RTN4: variants seen among roughly 807,000 people sequenced by gnomAD.
RTN4 encodes reticulon 4.
A neutral mutation model predicts 90.4 loss-of-function variants in RTN4; 32 were observed. That is an observed-to-expected ratio of 0.35 (90% confidence interval 0.27 to 0.48). RTN4 has a LOEUF of 0.48. RTN4 is among the 20% of genes least tolerant of loss of function. The pLI is 0.99. For missense variants in RTN4, 1,706 were observed against 1,430.2 expected, an observed-to-expected ratio of 1.19 and a Z score of -3.11; for synonymous variants, 629 against 552.5, an observed-to-expected ratio of 1.14 and a Z score of -1.94.
At chr2:55,091,914 C>G (rs1668944413) in intron 1 of RTN4, among the ~76,000 whole-genome samples, 1 of 152,190 alleles carries the variant, frequency 6.6e-6, no homozygotes, top group Non-Finnish European at 1.5e-5. Context: ...TACTCACTAT[C>G]ACGAGAACAG....
At chr2:55,020,881 T>C (rs1681376616) in intron 3 of RTN4, among the ~76,000 whole-genome samples, 1 of 152,048 alleles carries the variant, frequency 6.6e-6, no homozygotes. Flanking sequence ...CACGAGCCTT[T>C]GGTCCCAGCT....
At chr2:55,064,141 G>C (rs948964560) in intron 2 of RTN4, among the ~76,000 whole-genome samples, 1 of 148,944 alleles carries the variant, frequency 6.7e-6, no homozygotes, top group Middle Eastern at 3.5e-3. Flanking sequence ...AGGATTCCTT[G>C]AACTCAGGAG....
upstream of RTN4, among the ~76,000 whole-genome samples, chr2:55,054,424 C>T (rs1668154625): frequency 6.6e-6 from 1 of 152,228 alleles, no homozygotes; most frequent in Admixed American, 6.5e-5. Flanking sequence ...CACAAACGTG[C>T]TTGCATGTTT....
At chr2:55,061,113 T>A (rs1253870299) in intron 2 of RTN4, among the ~76,000 whole-genome samples, 1 of 148,336 alleles carries the variant, frequency 6.7e-6, no homozygotes, top group African/African-American at 2.5e-5. Context: ...TCACCCAGGC[T>A]GGAGTGCAGT....
At chr2:55,038,365 C>T (rs1682830217) in intron 1 of RTN4, among the ~76,000 whole-genome samples, 1 of 151,822 alleles carries the variant, frequency 6.6e-6, no homozygotes, top group Admixed American at 6.6e-5. Flanking sequence ...ATATTCACAA[C>T]ACATGTATCA....
intron 1 of RTN4, among the ~76,000 whole-genome samples, chr2:55,102,974 C>T (rs1277956181): frequency 1.3e-5 from 2 of 151,720 alleles, no homozygotes; most frequent in South Asian, 2.1e-4. Flanking sequence ...CAAAATAAGC[C>T]GGGCATGGTG....
chr2:55,061,083 T>TTTTTTTA (rs1668282739), intron 2 of RTN4, among the ~76,000 whole-genome samples: 2 of 151,456 alleles, frequency 1.3e-5, no homozygotes, highest in African/African-American at 4.9e-5. Context: ...TTTTTTTTTT[T>TTTTTTTA]GAGATAGAGT....
intron 8 of RTN4, 75 bp downstream of exon 8, chr2:54,973,488 G>A (rs1298173243): frequency 1.7e-5 from 19 of 1,147,038 alleles, no homozygotes; most frequent in Non-Finnish European, 2.5e-5. Flanking sequence ...CATTATGCCT[G>A]CAATATGAAA....
chr2:55,044,895 A>G (rs1038558961), intron 1 of RTN4, among the ~76,000 whole-genome samples: 3 of 151,746 alleles, frequency 2.0e-5, no homozygotes, highest in African/African-American at 7.3e-5. Flanking sequence ...ACTTATTCCC[A>G]ACTTTTAAAA....
chr2:55,121,513 T>A, the RTN4 span, among the ~76,000 whole-genome samples: 17 of 152,254 alleles, frequency 1.1e-4, no homozygotes, highest in Admixed American at 1.1e-3. Context: ...CATGTTCTGT[T>A]TATTACCAGT....
chr2:55,097,945 G>A (rs1158673621), intron 1 of RTN4, among the ~76,000 whole-genome samples: 9 of 151,856 alleles, frequency 5.9e-5, no homozygotes, highest in East Asian at 1.9e-4. Context: ...CAGCACTCCC[G>A]CCCCTCCTCA....
chr2:55,016,624 A>T (rs967763308), intron 3 of RTN4, among the ~76,000 whole-genome samples: 5 of 152,094 alleles, frequency 3.3e-5, no homozygotes, highest in Non-Finnish European at 5.9e-5. Context: ...TTGAAAGTAG[A>T]CTAGAATAAT....
intron 3 of RTN4, among the ~76,000 whole-genome samples, chr2:55,002,803 T>G (rs1679940332): frequency 6.6e-6 from 1 of 152,202 alleles, no homozygotes; most frequent in African/African-American, 2.4e-5. Flanking sequence ...TTGTAAAGAA[T>G]GTTAAAATGA....
chr2:55,065,968 C>G (rs1386224639), intron 2 of RTN4, among the ~76,000 whole-genome samples: 1 of 152,018 alleles, frequency 6.6e-6, no homozygotes, highest in African/African-American at 2.4e-5. Context: ...GGAAAATAAA[C>G]TTTAAGATTA....
chr2:55,122,118 C>T, the RTN4 span, among the ~76,000 whole-genome samples: 1 of 151,990 alleles, frequency 6.6e-6, no homozygotes, highest in African/African-American at 2.4e-5. Flanking sequence ...CCACCTCAGC[C>T]CCACAGGTAG....
chr2:55,095,279 G>A (rs1210215705), intron 1 of RTN4, among the ~76,000 whole-genome samples: 3 of 151,750 alleles, frequency 2.0e-5, no homozygotes, highest in African/African-American at 4.8e-5. Context: ...AGCCGAGATC[G>A]TGCCACTGCA....
At chr2:55,058,506 A>G (rs1668231012) in intron 2 of RTN4, among the ~76,000 whole-genome samples, 1 of 152,214 alleles carries the variant, frequency 6.6e-6, no homozygotes, top group Non-Finnish European at 1.5e-5. Flanking sequence ...AGGCTTGTCT[A>G]TGCTTAACAG....
chr2:55,057,209 T>A (rs1668205661), intron 2 of RTN4, among the ~76,000 whole-genome samples: 1 of 152,218 alleles, frequency 6.6e-6, no homozygotes, highest in African/African-American at 2.4e-5. Flanking sequence ...GTATTAAATA[T>A]CTGCATAGCT....
the RTN4 span, among the ~76,000 whole-genome samples, chr2:55,117,920 T>C: frequency 6.6e-6 from 1 of 152,234 alleles, no homozygotes. Flanking sequence ...ATAGGGTTCC[T>C]TTTATTACAA....
Sources: allele counts gnomAD v4.1 joint callset (sites outside exome capture counted in the v4.1 genomes callset), GRCh38; gene constraint gnomAD v4.1.1; transcripts MANE v1.5; gene names NCBI Gene and HGNC (gene_info 2026-07-23, HGNC 2026-07-21).